INPP4B: variants seen among roughly 807,000 people sequenced by gnomAD.
INPP4B encodes inositol polyphosphate 4-phosphatase type II.
INPP4B carries 55 observed loss-of-function variants against 122.5 expected under a neutral mutation model. The ratio of observed to expected loss-of-function variants is 0.45; its 90% CI spans 0.36 to 0.56. The LOEUF is 0.56. INPP4B is among the 20% of genes least tolerant of loss of function. The pLI, the probability that INPP4B is intolerant of heterozygous loss-of-function variation, is 0.00. For synonymous variants in INPP4B, 403 were observed against 388.7 expected (o/e 1.04, Z -0.43); for missense variants, 1,000 against 1,097.7 (o/e 0.91, Z 1.26).
intron 2 of INPP4B, among the ~76,000 whole-genome samples, chr4:142,647,772 G>A (rs540250854): frequency 2.0e-5 from 3 of 152,342 alleles, no homozygotes; most frequent in Non-Finnish European, 4.4e-5. Flanking sequence ...CAATTTGGAG[G>A]TAATGATATC....
chr4:142,398,157 C>T (rs1421483337), intron 7 of INPP4B, among the ~76,000 whole-genome samples: 3 of 151,100 alleles, frequency 2.0e-5, no homozygotes. Flanking sequence ...CGGCGGATCA[C>T]GAGGTCAGGA....
At chr4:142,434,704 T>C (rs139577898) in intron 3 of INPP4B, among the ~76,000 whole-genome samples, 11 of 152,262 alleles carry the variant, frequency 7.2e-5, no homozygotes, top group Non-Finnish European at 1.5e-4. Context: ...ATAGAGGATA[T>C]GGCCAAAACT....
intron 5 of INPP4B, among the ~76,000 whole-genome samples, chr4:142,416,915 A>G (rs984995883): frequency 1.3e-5 from 2 of 152,210 alleles, no homozygotes; most frequent in African/African-American, 2.4e-5. Flanking sequence ...GATATAAGAG[A>G]AGGAGGAGTT....
chr4:142,045,123 A>G (rs763659090), intron 25 of INPP4B, among the ~76,000 whole-genome samples: 7 of 152,148 alleles, frequency 4.6e-5, no homozygotes, highest in Non-Finnish European at 7.3e-5. Flanking sequence ...GCATCTTTGC[A>G]TATAATTTTA....
At chr4:142,081,286 G>A (rs1468550397) in intron 25 of INPP4B, among the ~76,000 whole-genome samples, 1 of 152,176 alleles carries the variant, frequency 6.6e-6, no homozygotes. Flanking sequence ...GCTAGGCTTT[G>A]CAGCAAAGAG....
chr4:142,133,901 C>A (rs1802601278), intron 18 of INPP4B, among the ~76,000 whole-genome samples: 1 of 152,206 alleles, frequency 6.6e-6, no homozygotes, highest in African/African-American at 2.4e-5. Context: ...GCCTACTCCA[C>A]TAAACTGCAA....
intron 2 of INPP4B, among the ~76,000 whole-genome samples, chr4:142,716,012 G>A (rs965352339): frequency 1.1e-4 from 17 of 152,132 alleles, no homozygotes; most frequent in Admixed American, 5.9e-4. Flanking sequence ...AGATTCTAAG[G>A]ACAAGTGTCC....
At chr4:142,329,648 T>C (rs543680060) in intron 7 of INPP4B, among the ~76,000 whole-genome samples, 6 of 152,284 alleles carry the variant, frequency 3.9e-5, no homozygotes, top group African/African-American at 1.4e-4. Flanking sequence ...TCAAGCTAGA[T>C]ATGCAGGTTT....
chr4:142,518,570 C>T (rs1302559636), intron 2 of INPP4B: 5 of 152,132 alleles, frequency 3.3e-5, no homozygotes, highest in Admixed American at 2.0e-4. Flanking sequence ...ACTCACATAA[C>T]TCTCCCCAAC....
At chr4:142,619,594 G>T (rs1744451266) in intron 2 of INPP4B, among the ~76,000 whole-genome samples, 1 of 151,976 alleles carries the variant, frequency 6.6e-6, no homozygotes, top group Non-Finnish European at 1.5e-5. Flanking sequence ...AATGGTTGTT[G>T]CCAGGGGATA....
Position 142,369,587 on chromosome 4 carries a change from A to AAATAAAT in INPP4B, c.372+33350_372+33351insATTTATT, listed in dbSNP as rs1561948182. Among the ~76,000 whole-genome samples the AAATAAAT allele has an allele frequency of 2.3e-3, 334 of 142,454 alleles. 2 individuals are homozygous for AAATAAAT. Among genetic ancestry groups the AAATAAAT allele is most frequent in the African/African-American group, 8.5e-3 (330 of 38,826 alleles). The allele number at this position is 142,454 out of a possible 152,430, so 93.5% of individuals were successfully genotyped here. A position where few individuals can be genotyped will look rare whatever the true frequency, so the allele number is the denominator to read the frequency against. On this transcript the variant is annotated intron_variant, in intron 7 of 25. Transcript: ENST00000262992. ...ATGAGACCCTGTCTCGAAAATTAAAAAAATAAATAAATAAATAAATAAATA... is the reference window on the plus strand; with the variant it reads ...ATGAGACCCTGTCTCGAAAATTAAAAAATAAATAAATAAATAAATAAATAAATAAATA...
At chr4:142,539,507 T>G (rs1273343517) in intron 2 of INPP4B, among the ~76,000 whole-genome samples, 2 of 152,038 alleles carry the variant, frequency 1.3e-5, no homozygotes, top group African/African-American at 4.8e-5. Context: ...GAACACAATT[T>G]AAGGTGTTCT....
intron 7 of INPP4B, among the ~76,000 whole-genome samples, chr4:142,335,108 G>GA (rs36074851): frequency 0.058 from 3,812 of 65,186 alleles, 118 homozygotes; most frequent in African/African-American, 0.098. Context: ...TGGGAAAAAT[G>GA]AAAAAAAAAA....
chr4:142,467,767 T>C (rs1818068241), intron 2 of INPP4B, among the ~76,000 whole-genome samples: 1 of 152,116 alleles, frequency 6.6e-6, no homozygotes, highest in African/African-American at 2.4e-5. Context: ...TCAAATCTCA[T>C]TTTGAAATGT....
intron 25 of INPP4B, among the ~76,000 whole-genome samples, chr4:142,043,468 A>G (rs1257859227): frequency 1.3e-5 from 2 of 152,172 alleles, no homozygotes; most frequent in Non-Finnish European, 2.9e-5. Context: ...TCTTAGAGAA[A>G]CAGAATGTTG....
At chr4:142,500,866 G>GGGGTTA (rs1823280514) in intron 2 of INPP4B, among the ~76,000 whole-genome samples, 1 of 151,950 alleles carries the variant, frequency 6.6e-6, no homozygotes, top group South Asian at 2.1e-4. Context: ...GTAGTTGCCA[G>GGGGTTA]GGGTTAGGGT....
At chr4:142,516,807 A>G (rs1825474890) in intron 2 of INPP4B, among the ~76,000 whole-genome samples, 1 of 151,228 alleles carries the variant, frequency 6.6e-6, no homozygotes, top group African/African-American at 2.4e-5. Flanking sequence ...GGTTGGCTGC[A>G]TCCCTCTGTT....
At chr4:142,330,019 G>A (rs1385235045) in intron 7 of INPP4B, among the ~76,000 whole-genome samples, 3 of 152,102 alleles carry the variant, frequency 2.0e-5, no homozygotes, top group Non-Finnish European at 4.4e-5. Context: ...CAAACTGAGT[G>A]ATAATAACAG....
intron 25 of INPP4B, among the ~76,000 whole-genome samples, chr4:142,055,129 C>A (rs1241853462): frequency 6.6e-6 from 1 of 151,994 alleles, no homozygotes. Context: ...ACTTTGTGCA[C>A]TTATAATTCC....
Sources: allele counts gnomAD v4.1 joint callset (sites outside exome capture counted in the v4.1 genomes callset), GRCh38; gene constraint gnomAD v4.1.1; transcripts MANE v1.5; gene names NCBI Gene and HGNC (gene_info 2026-07-23, HGNC 2026-07-21).